MAD1L1: variants seen among roughly 807,000 people sequenced by gnomAD.
MAD1L1 encodes mitotic arrest deficient 1 like 1, also known as mitotic spindle assembly checkpoint protein MAD1.
A neutral mutation model predicts 96.9 loss-of-function variants in MAD1L1; 95 were observed. The observed-to-expected ratio is 0.98, with a 90% CI of 0.83 to 1.16. The LOEUF is 1.16. MAD1L1 is among the 50% of genes most tolerant of loss of function. The pLI is 0.00. For missense variants in MAD1L1, 1,007 were observed against 954.4 expected (o/e 1.06, Z -0.73); for synonymous variants, 473 against 396.6 (o/e 1.19, Z -2.29).
intron 13 of MAD1L1, among the ~76,000 whole-genome samples, chr7:2,010,364 G>A (rs1049047832): frequency 2.6e-5 from 4 of 152,140 alleles, no homozygotes; most frequent in Admixed American, 2.6e-4. Flanking sequence ...CTATTTCAGA[G>A]TCCCTGCAAC....
intron 11 of MAD1L1, among the ~76,000 whole-genome samples, chr7:2,097,917 T>C (rs1323559981): frequency 1.3e-5 from 2 of 152,206 alleles, no homozygotes; most frequent in Non-Finnish European, 2.9e-5. Flanking sequence ...GGGGTGCCCC[T>C]GCTGTAGGCT....
At chr7:2,129,914 C>G (rs539686442) in intron 11 of MAD1L1, among the ~76,000 whole-genome samples, 1 of 152,184 alleles carries the variant, frequency 6.6e-6, no homozygotes. Flanking sequence ...TCCCATGGCA[C>G]CCGCTGCCAG....
chr7:2,224,547 C>T (rs1584595398), intron 4 of MAD1L1, among the ~76,000 whole-genome samples: 1 of 152,162 alleles, frequency 6.6e-6, no homozygotes, highest in Admixed American at 6.5e-5. Context: ...CATCACACCC[C>T]GGAAGACGTG....
chr7:2,173,794 T>C (rs928550974), intron 10 of MAD1L1, among the ~76,000 whole-genome samples: 3 of 152,114 alleles, frequency 2.0e-5, no homozygotes, highest in Non-Finnish European at 4.4e-5. Context: ...TGAAAAAAGA[T>C]TTGAGGGAGA....
intron 11 of MAD1L1, among the ~76,000 whole-genome samples, chr7:2,076,563 A>G (rs1172517503): frequency 6.6e-6 from 1 of 152,216 alleles, no homozygotes; most frequent in African/African-American, 2.4e-5. Context: ...ACGCCCAGAC[A>G]CACTGTTCAC....
chr7:2,109,033 T>TGC (rs1424137743), intron 11 of MAD1L1, among the ~76,000 whole-genome samples: 1 of 152,234 alleles, frequency 6.6e-6, no homozygotes, highest in African/African-American at 2.4e-5. Flanking sequence ...CTCCCTGTGC[T>TGC]GCGCACACAG....
intron 11 of MAD1L1, among the ~76,000 whole-genome samples, chr7:2,097,834 G>A (rs1054445827): frequency 2.0e-5 from 3 of 152,240 alleles, no homozygotes; most frequent in African/African-American, 7.2e-5. Context: ...CGCCTGCATC[G>A]AGACTCAGCC....
chr7:2,091,693 G>A (rs1411309460), intron 11 of MAD1L1, among the ~76,000 whole-genome samples: 2 of 151,746 alleles, frequency 1.3e-5, no homozygotes, highest in East Asian at 1.9e-4. Flanking sequence ...GAAGAATGGC[G>A]TGAACCCAGG....
intron 11 of MAD1L1, among the ~76,000 whole-genome samples, chr7:2,139,207 C>G (rs143931135): frequency 2.6e-5 from 4 of 152,116 alleles, no homozygotes; most frequent in South Asian, 2.1e-4. Flanking sequence ...ACAGCCTAAG[C>G]CCTGGCTGCC....
At chr7:2,106,278 G>A (rs1322488843) in intron 11 of MAD1L1, among the ~76,000 whole-genome samples, 3 of 152,010 alleles carry the variant, frequency 2.0e-5, no homozygotes, top group African/African-American at 2.4e-5. Context: ...CTTCTCTATC[G>A]GATCCACATG....
At chr7:1,879,612 A>G (rs571276560) in intron 18 of MAD1L1, among the ~76,000 whole-genome samples, 11 of 152,366 alleles carry the variant, frequency 7.2e-5, no homozygotes, top group African/African-American at 2.4e-4. Flanking sequence ...GAAAAAGAAC[A>G]AAATTGGAGG....
At chr7:1,818,614 C>G (rs1209585801) in intron 18 of MAD1L1, among the ~76,000 whole-genome samples, 1 of 83,896 alleles carries the variant, frequency 1.2e-5, no homozygotes, top group East Asian at 3.1e-4. Flanking sequence ...AACTCCTGGC[C>G]TGGCTGGTCT....
chr7:1,886,360 G>C (rs147980862), intron 18 of MAD1L1, among the ~76,000 whole-genome samples: 1 of 152,352 alleles, frequency 6.6e-6, no homozygotes, highest in African/African-American at 2.4e-5. Context: ...CAGCTACCAA[G>C]GTCATGTCTA....
chr7:2,219,106 G>T (rs1793447141), intron 6 of MAD1L1, among the ~76,000 whole-genome samples: 1 of 152,116 alleles, frequency 6.6e-6, no homozygotes, highest in Non-Finnish European at 1.5e-5. Context: ...CTCTAAGAAG[G>T]AGGGGGAGGA....
rs777650265 is a variant in MAD1L1 at position 1,980,504 on chromosome 7, C to G, written c.1454G>C (p.Ser485Thr). Reference protein sequence around the residue: ...MELKMLKSQSSSAEQSFLFSR... With the variant: ...MELKMLKSQSTSAEQSFLFSR... ...GAACAGGAAGCTCTGTTCGGCAGAG[C>G]TGGACTGAGACTTCAGCATCTTCAG... The change falls in exon 15 of 19, where the codon AGC becomes ACC. Residue 485 changes from serine to threonine, a missense_variant. Transcript: ENST00000265854. 9.9e-6 allele frequency: 16 copies of G among 1,613,190 alleles called. No homozygotes were observed. The highest frequency in any genetic ancestry group is 1.6e-4 in the Middle Eastern group (1 of 6,082).
chr7:2,202,876 T>C (rs1792389282), intron 10 of MAD1L1, among the ~76,000 whole-genome samples: 1 of 152,218 alleles, frequency 6.6e-6, no homozygotes, highest in African/African-American at 2.4e-5. Flanking sequence ...TCAGGGAAGC[T>C]GGGCCCTGAG....
intron 18 of MAD1L1, among the ~76,000 whole-genome samples, chr7:1,832,645 G>T (rs1390797729): frequency 8.5e-5 from 5 of 58,820 alleles, no homozygotes; most frequent in Admixed American, 1.7e-4. Flanking sequence ...GGGGGGGGGG[G>T]GGTGGGGATG....
intron 18 of MAD1L1, among the ~76,000 whole-genome samples, chr7:1,862,863 G>C (rs1222251211): frequency 6.6e-6 from 1 of 152,262 alleles, no homozygotes; most frequent in African/African-American, 2.4e-5. Flanking sequence ...ACTGGTCTGA[G>C]GTGGGCTCTG....
At chr7:2,043,855 C>A (rs1783802517) in intron 12 of MAD1L1, among the ~76,000 whole-genome samples, 1 of 152,214 alleles carries the variant, frequency 6.6e-6, no homozygotes, top group South Asian at 2.1e-4. Context: ...GGCTACTGAA[C>A]AGGGCCAGGG....
Sources: allele counts gnomAD v4.1 joint callset (sites outside exome capture counted in the v4.1 genomes callset), GRCh38; gene constraint gnomAD v4.1.1; transcripts MANE v1.5; gene names NCBI Gene and HGNC (gene_info 2026-07-23, HGNC 2026-07-21).